The following SH3D19 variants were observed in gnomAD, a reference collection of about 807,000 sequenced individuals.
SH3D19 encodes SH3 domain-containing protein 19.
A neutral mutation model predicts 112.1 loss-of-function variants in SH3D19; 58 were observed. The ratio of observed to expected loss-of-function variants is 0.52; its 90% CI spans 0.42 to 0.64. The LOEUF is 0.64. Ranked by LOEUF, SH3D19 falls within the 30% of genes least tolerant of loss-of-function variation. The pLI, the probability that SH3D19 is intolerant of heterozygous loss-of-function variation, is 0.00. For synonymous variants in SH3D19, 391 were observed against 448.5 expected, an observed-to-expected ratio of 0.87 and a Z score of 1.62; for missense variants, 1,090 against 1,263.4, an observed-to-expected ratio of 0.86 and a Z score of 2.08.
chr4:151,321,606 G>T (rs1368268115), intron 1 of SH3D19, among the ~76,000 whole-genome samples: 1 of 152,082 alleles, frequency 6.6e-6, no homozygotes, highest in Non-Finnish European at 1.5e-5. Context: ...GTTTTCATCT[G>T]ATCTACTAAA....
intron 19 of SH3D19, among the ~76,000 whole-genome samples, chr4:151,124,346 A>T (rs1011314153): frequency 1.3e-5 from 2 of 151,520 alleles, no homozygotes; most frequent in Non-Finnish European, 2.9e-5. Flanking sequence ...ACCTCAGGTG[A>T]TCCACTCACC....
At position 151,159,233 on chromosome 4, in the gene SH3D19, CA is replaced by C. The variant is rs752830800; in HGVS notation, c.1755+6del. ...TCAATCTAGTACAATCTATAATGAC[CA>C]CTTACCAAGTTTCTAGTTCTCTCAA... On this transcript the variant is annotated splice_donor_region_variant and intron_variant, in intron 9 of 19. Coordinates refer to ENST00000604030, the MANE Select transcript of SH3D19 (RefSeq NM_001378122.1). The C allele has an allele frequency of 6.2e-6, 9 of 1,462,868 alleles. No homozygotes were observed. Among genetic ancestry groups the C allele is most frequent in the Non-Finnish European group, 8.3e-6 (9 of 1,088,374 alleles). 90.6% of individuals were successfully genotyped at this position (1,462,868 alleles called of 1,614,324 possible).
chr4:151,282,045 T>C, intron 1 of SH3D19: 2 of 1,190,238 alleles, frequency 1.7e-6, no homozygotes, highest in South Asian at 1.5e-5. Flanking sequence ...TAATTCCCAG[T>C]TGGCTACCCT....
chr4:151,212,744 T>G (rs1464007983), intron 2 of SH3D19, among the ~76,000 whole-genome samples: 2 of 152,252 alleles, frequency 1.3e-5, no homozygotes, highest in African/African-American at 4.8e-5. Flanking sequence ...AAGGAGTTAT[T>G]TTGACTTTGA....
chr4:151,134,490 G>T (rs1044481437), intron 15 of SH3D19, among the ~76,000 whole-genome samples: 2 of 152,150 alleles, frequency 1.3e-5, no homozygotes, highest in African/African-American at 4.8e-5. Flanking sequence ...AAAATGTCTA[G>T]CAGTTATTGT....
chr4:151,186,821 G>A (rs1429089664), intron 3 of SH3D19, among the ~76,000 whole-genome samples: 3 of 130,964 alleles, frequency 2.3e-5, no homozygotes, highest in Non-Finnish European at 4.8e-5. Context: ...TTGAGATGGA[G>A]TCTCGCTCTG....
rs193198600 is a variant in SH3D19 at position 151,169,205 on chromosome 4, C to A, written c.1535-3509G>T. Among the ~76,000 whole-genome samples the A allele has an allele frequency of 9.8e-5, 15 of 152,316 alleles. No individual in the cohort carries two copies. The East Asian group carries it at 1.9e-3, about 20-fold the overall frequency. ...AAGTGTCCTAGCTTACTCACTCTCT[C>A]ATTTTTTTAATTTTTAATACCGTTA... On this transcript the variant is annotated intron_variant, in intron 7 of 19. Coordinates refer to ENST00000604030, the MANE Select transcript of SH3D19 (RefSeq NM_001378122.1).
intron 7 of SH3D19, among the ~76,000 whole-genome samples, chr4:151,167,908 G>A (rs113643816): frequency 1.3e-5 from 2 of 152,208 alleles, no homozygotes; most frequent in African/African-American, 4.8e-5. Flanking sequence ...AGTGAGGCGC[G>A]CCTCTGCCCG....
At chr4:151,166,229 A>G (rs1180902477) in intron 7 of SH3D19, 1 of 152,208 alleles carries the variant, frequency 6.6e-6, no homozygotes, top group Non-Finnish European at 1.5e-5. Context: ...AATGAAAAAC[A>G]TTCTATCCCA....
intron 1 of SH3D19, among the ~76,000 whole-genome samples, chr4:151,226,862 G>A (rs540395428): frequency 6.6e-6 from 1 of 152,306 alleles, no homozygotes; most frequent in Non-Finnish European, 1.5e-5. Flanking sequence ...GCTGTAACAT[G>A]CTATTAATCA....
At chr4:151,240,111 T>TA (rs909352591) in intron 1 of SH3D19, among the ~76,000 whole-genome samples, 2 of 11,386 alleles carry the variant, frequency 1.8e-4, no homozygotes, top group East Asian at 0.04. Flanking sequence ...CCAAAAGAAA[T>TA]TTTTTTTAAT....
chr4:151,148,681 G>A (rs763760454), intron 10 of SH3D19, among the ~76,000 whole-genome samples: 1 of 152,168 alleles, frequency 6.6e-6, no homozygotes, highest in Non-Finnish European at 1.5e-5. Context: ...TTAATACAAA[G>A]AAAGCTAGTT....
chr4:151,272,363 C>T (rs769733671), intron 1 of SH3D19, among the ~76,000 whole-genome samples: 3 of 152,102 alleles, frequency 2.0e-5, no homozygotes, highest in Non-Finnish European at 4.4e-5. Context: ...AAGAATAGCA[C>T]TGTGGGCTGA....
intron 2 of SH3D19, among the ~76,000 whole-genome samples, chr4:151,221,165 G>A (rs1197859898): frequency 6.6e-6 from 1 of 152,170 alleles, no homozygotes; most frequent in Non-Finnish European, 1.5e-5. Context: ...AGACGTCCCA[G>A]ATTTATTCAC....
intron 12 of SH3D19, among the ~76,000 whole-genome samples, chr4:151,142,265 C>T (rs925888297): frequency 3.9e-5 from 6 of 152,178 alleles, no homozygotes; most frequent in African/African-American, 1.4e-4. Flanking sequence ...AATTTACCTA[C>T]TGAAAGTGAA....
intron 1 of SH3D19, among the ~76,000 whole-genome samples, chr4:151,286,963 G>A (rs1037780240): frequency 6.8e-6 from 1 of 147,302 alleles, no homozygotes; most frequent in Non-Finnish European, 1.5e-5. Flanking sequence ...CTGGGTGACA[G>A]AGTGAGATTC....
intron 1 of SH3D19, chr4:151,262,375 A>G (rs1772443413): frequency 6.6e-6 from 1 of 152,252 alleles, no homozygotes; most frequent in South Asian, 2.1e-4. Flanking sequence ...ATCTCCAGAC[A>G]TGCGGTGACC....
In SH3D19 at chr4:151,289,452, G is replaced by A. The variant is rs530635590; in HGVS notation, c.112+35789C>T. ...AAAGTAAAAAGGTAGCCTATGAAACGGAAGAAAATATTTGCAAATCATATA... is the reference window on the plus strand; with the variant it reads ...AAAGTAAAAAGGTAGCCTATGAAACAGAAGAAAATATTTGCAAATCATATA... On this transcript the variant is annotated intron_variant, in intron 1 of 19. Transcript: ENST00000604030. 3.9e-5 allele frequency among the ~76,000 whole-genome samples: 6 copies of A among 152,202 alleles called. No individual in the cohort carries two copies. In the East Asian group the frequency reaches 1.2e-3, roughly 29 times the overall value.
chr4:151,273,757 C>T (rs1258772166), intron 1 of SH3D19, among the ~76,000 whole-genome samples: 1 of 152,106 alleles, frequency 6.6e-6, no homozygotes, highest in African/African-American at 2.4e-5. Context: ...GCTACCTTTA[C>T]TCTAAACATG....
Sources: allele counts gnomAD v4.1 joint callset (sites outside exome capture counted in the v4.1 genomes callset), GRCh38; gene constraint gnomAD v4.1.1; transcripts MANE v1.5; gene names NCBI Gene and HGNC (gene_info 2026-07-23, HGNC 2026-07-21).